Variants in FSTL5 observed in about 807,000 individuals in gnomAD.
FSTL5 encodes follistatin like 5, also known as follistatin-related protein 5.
Under a neutral mutation model 89.1 loss-of-function variants are expected in FSTL5, and 62 were observed. That is an observed-to-expected ratio of 0.70 (90% confidence interval 0.57 to 0.86). The LOEUF is 0.86. FSTL5 is among the 40% of genes least tolerant of loss of function. FSTL5 has a pLI of 0.00. For missense variants in FSTL5, 1,057 were observed against 1,001.6 expected, an observed-to-expected ratio of 1.06 and a Z score of -0.75; for synonymous variants, 383 against 346.2, an observed-to-expected ratio of 1.11 and a Z score of -1.18.
At chr4:161,990,125 C>T (rs1411535790) in intron 3 of FSTL5, among the ~76,000 whole-genome samples, 2 of 152,080 alleles carry the variant, frequency 1.3e-5, no homozygotes. Flanking sequence ...AATTGAGGTA[C>T]TACACAGTTA....
intron 6 of FSTL5, among the ~76,000 whole-genome samples, chr4:161,672,705 T>C (rs1244845146): frequency 7.1e-6 from 1 of 140,422 alleles, no homozygotes; most frequent in African/African-American, 2.8e-5. Context: ...ATCTAAGAAA[T>C]TAAAAAAAAA....
At chr4:162,112,054 A>G (rs1055938458) in intron 1 of FSTL5, among the ~76,000 whole-genome samples, 4 of 152,190 alleles carry the variant, frequency 2.6e-5, no homozygotes, top group African/African-American at 4.8e-5. Flanking sequence ...TTGGATATAA[A>G]TAAGTTGTAA....
At chr4:161,930,504 C>CT (rs35823299) in intron 3 of FSTL5, among the ~76,000 whole-genome samples, 27 of 150,838 alleles carry the variant, frequency 1.8e-4, no homozygotes, top group African/African-American at 4.4e-4. Flanking sequence ...ATTTTTAAAG[C>CT]TTTTTTTTTC....
At chr4:161,902,004 A>G (rs1171185005) in intron 4 of FSTL5, among the ~76,000 whole-genome samples, 2 of 152,316 alleles carry the variant, frequency 1.3e-5, no homozygotes, top group Non-Finnish European at 2.9e-5. Context: ...ATTAGTATAC[A>G]TGTGGAACAT....
At chr4:161,417,296 CACA>C (rs1446296472) in intron 15 of FSTL5, among the ~76,000 whole-genome samples, 1 of 152,198 alleles carries the variant, frequency 6.6e-6, no homozygotes, top group East Asian at 1.9e-4. Context: ...GCTAATTTTG[CACA>C]ACAACCAATA....
chr4:161,527,370 G>T (rs1244688133), intron 10 of FSTL5, among the ~76,000 whole-genome samples: 1 of 151,970 alleles, frequency 6.6e-6, no homozygotes, highest in Non-Finnish European at 1.5e-5. Flanking sequence ...CTACAAAATG[G>T]GAGAAAATTT....
intron 2 of FSTL5, among the ~76,000 whole-genome samples, chr4:162,075,468 G>C (rs1307314556): frequency 6.6e-6 from 1 of 151,786 alleles, no homozygotes; most frequent in Non-Finnish European, 1.5e-5. Flanking sequence ...GATGATCTGA[G>C]GCAGATGTAG....
At chr4:161,573,883 A>T (rs1376272186) in intron 8 of FSTL5, among the ~76,000 whole-genome samples, 2 of 152,186 alleles carry the variant, frequency 1.3e-5, no homozygotes, top group African/African-American at 2.4e-5. Context: ...TTATTCTCTT[A>T]TATTCTGGAG....
At chr4:162,012,932 C>G (rs1396685623) in intron 3 of FSTL5, among the ~76,000 whole-genome samples, 2 of 152,022 alleles carry the variant, frequency 1.3e-5, no homozygotes, top group African/African-American at 4.8e-5. Flanking sequence ...TCCTGTAGTT[C>G]TAGCACTTTG....
chr4:161,803,893 G>T (rs949464412), intron 4 of FSTL5, among the ~76,000 whole-genome samples: 4 of 151,962 alleles, frequency 2.6e-5, no homozygotes, highest in Admixed American at 1.3e-4. Flanking sequence ...AAAGGTATAC[G>T]CTGAGATGCA....
intron 2 of FSTL5, among the ~76,000 whole-genome samples, chr4:162,062,884 A>T (rs1386700410): frequency 1.4e-4 from 21 of 151,688 alleles, no homozygotes; most frequent in Admixed American, 1.1e-3. Flanking sequence ...ATTTCTATAT[A>T]GACAAAATAT....
At chr4:161,595,729 G>A (rs1287274164) in intron 7 of FSTL5, among the ~76,000 whole-genome samples, 1 of 151,864 alleles carries the variant, frequency 6.6e-6, no homozygotes, top group East Asian at 1.9e-4. Flanking sequence ...GTACATAACA[G>A]CTGAATTTCT....
intron 7 of FSTL5, among the ~76,000 whole-genome samples, chr4:161,620,185 G>A (rs1735068611): frequency 8.7e-6 from 1 of 115,370 alleles, no homozygotes; most frequent in African/African-American, 3.5e-5. Flanking sequence ...TCTGGGGACT[G>A]TTGTGGGGTG....
chr4:161,497,993 T>C (rs1181857260), intron 12 of FSTL5, among the ~76,000 whole-genome samples: 4 of 151,808 alleles, frequency 2.6e-5, no homozygotes, highest in African/African-American at 9.7e-5. Context: ...TATTTCTCTA[T>C]GTATGCATAC....
chr4:161,784,736 T>C (rs1267553109), intron 4 of FSTL5, among the ~76,000 whole-genome samples: 1 of 151,372 alleles, frequency 6.6e-6, no homozygotes, highest in Non-Finnish European at 1.5e-5. Flanking sequence ...CTACTAAAAA[T>C]ACAAAAAATT....
At chr4:161,860,088 A>G (rs552781345) in intron 4 of FSTL5, among the ~76,000 whole-genome samples, 1 of 152,244 alleles carries the variant, frequency 6.6e-6, no homozygotes, top group East Asian at 1.9e-4. Context: ...GGAGATCTAG[A>G]CCATCCTGGC....
chr4:161,633,635 G>A (rs544141996), intron 7 of FSTL5, among the ~76,000 whole-genome samples: 68 of 151,896 alleles, frequency 4.5e-4, no homozygotes, highest in African/African-American at 1.6e-3. Context: ...GTGAACCACC[G>A]CACCCAGCCT....
chr4:161,737,217 C>G (rs923932661), intron 6 of FSTL5, among the ~76,000 whole-genome samples: 1 of 152,030 alleles, frequency 6.6e-6, no homozygotes, highest in Non-Finnish European at 1.5e-5. Context: ...AACCCTTTAT[C>G]AATATCTGAC....
intron 11 of FSTL5, among the ~76,000 whole-genome samples, chr4:161,508,993 C>G (rs1333510027): frequency 6.6e-6 from 1 of 151,916 alleles, no homozygotes; most frequent in African/African-American, 2.4e-5. Context: ...GAAATCTTGC[C>G]CAGAGAGAAG....
Sources: allele counts gnomAD v4.1 joint callset (sites outside exome capture counted in the v4.1 genomes callset), GRCh38; gene constraint gnomAD v4.1.1; transcripts MANE v1.5; gene names NCBI Gene and HGNC (gene_info 2026-07-23, HGNC 2026-07-21).